Variants in ANKFN1 observed in about 807,000 individuals in gnomAD.
The protein encoded by ANKFN1 is ankyrin repeat and fibronectin type-III domain-containing protein 1.
A neutral mutation model predicts 108.7 loss-of-function variants in ANKFN1; 74 were observed. The ratio of observed to expected loss-of-function variants is 0.68; its 90% CI spans 0.56 to 0.83. ANKFN1 has a LOEUF of 0.83. Ranked by LOEUF, ANKFN1 falls within the 40% of genes least tolerant of loss-of-function variation. ANKFN1 has a pLI of 0.00. For missense variants in ANKFN1, 1,505 were observed against 1,382.3 expected, an observed-to-expected ratio of 1.09 and a Z score of -1.41; for synonymous variants, 547 against 516.2, an observed-to-expected ratio of 1.06 and a Z score of -0.81.
At chr17:56,472,029 A>C (rs546941162) in intron 15 of ANKFN1, 1 of 152,328 alleles carries the variant, frequency 6.6e-6, no homozygotes, top group East Asian at 1.9e-4. Context: ...AACAGGGTGA[A>C]TTTTATGGTA....
chr17:56,070,766 C>G (rs536071606), intron 4 of ANKFN1, among the ~76,000 whole-genome samples: 3 of 148,518 alleles, frequency 2.0e-5, no homozygotes, highest in African/African-American at 7.6e-5. Flanking sequence ...GAGACGTACT[C>G]TCACTCTCAC....
chr17:56,285,305 G>A (rs959664777), intron 3 of ANKFN1, among the ~76,000 whole-genome samples: 1 of 152,098 alleles, frequency 6.6e-6, no homozygotes, highest in African/African-American at 2.4e-5. Context: ...CTGGGCTGGA[G>A]GTGGCATCCC....
intron 6 of ANKFN1, among the ~76,000 whole-genome samples, chr17:56,359,922 TG>T (rs2046472035): frequency 6.6e-6 from 1 of 152,180 alleles, no homozygotes; most frequent in Admixed American, 6.6e-5. Flanking sequence ...AGTCAGTTTA[TG>T]AGAAAATCTG....
At chr17:56,048,528 C>A (rs1213213334) in intron 4 of ANKFN1, among the ~76,000 whole-genome samples, 1 of 152,072 alleles carries the variant, frequency 6.6e-6, no homozygotes, top group Non-Finnish European at 1.5e-5. Flanking sequence ...TACTGGCCCC[C>A]TTTTTTAAAA....
chr17:56,093,015 T>G (rs1481125288), intron 4 of ANKFN1, among the ~76,000 whole-genome samples: 1 of 151,186 alleles, frequency 6.6e-6, no homozygotes, highest in Admixed American at 6.6e-5. Flanking sequence ...CTAGCATGCC[T>G]TTTGATTAAT....
At chr17:56,196,623 C>T (rs1567830845) in intron 1 of ANKFN1, among the ~76,000 whole-genome samples, 1 of 152,088 alleles carries the variant, frequency 6.6e-6, no homozygotes, top group Admixed American at 6.6e-5. Flanking sequence ...ACCCTGTAGT[C>T]CTGGCTACTC....
At chr17:56,339,588 A>G (rs1169842921) in intron 4 of ANKFN1, among the ~76,000 whole-genome samples, 2 of 152,082 alleles carry the variant, frequency 1.3e-5, no homozygotes, top group Non-Finnish European at 2.9e-5. Flanking sequence ...TTAGTTTGCT[A>G]AGGATAATGG....
At chr17:56,081,812 T>G (rs1466852032) in intron 4 of ANKFN1, among the ~76,000 whole-genome samples, 3 of 152,200 alleles carry the variant, frequency 2.0e-5, no homozygotes, top group African/African-American at 7.2e-5. Flanking sequence ...ACACTGGAGT[T>G]GTACACATAC....
chr17:56,391,274 T>C (rs1279977633), intron 8 of ANKFN1, among the ~76,000 whole-genome samples: 1 of 143,130 alleles, frequency 7.0e-6, no homozygotes, highest in Non-Finnish European at 1.5e-5. Flanking sequence ...TGTGTACATA[T>C]ATATATGTAT....
At chr17:56,457,811 T>A in intron 13 of ANKFN1, 52 bp from the exon 14 acceptor site, 3 of 1,399,996 alleles carry the variant, frequency 2.1e-6, no homozygotes, top group Non-Finnish European at 3.0e-6. Flanking sequence ...TGCCACAACC[T>A]AAATCATGTA....
intron 8 of ANKFN1, among the ~76,000 whole-genome samples, chr17:56,428,059 C>G (rs879736913): frequency 1.3e-5 from 2 of 151,806 alleles, no homozygotes; most frequent in African/African-American, 2.4e-5. Context: ...ATGATGAAAC[C>G]CCATCTCTAC....
intron 2 of ANKFN1, among the ~76,000 whole-genome samples, chr17:56,213,843 C>G (rs528864537): frequency 3.9e-5 from 6 of 152,320 alleles, no homozygotes; most frequent in African/African-American, 1.4e-4. Context: ...CTTCAGTTCA[C>G]TTAAACATTT....
chr17:56,439,713 G>A (rs576206897), intron 8 of ANKFN1, among the ~76,000 whole-genome samples: 1 of 152,290 alleles, frequency 6.6e-6, no homozygotes, highest in Admixed American at 6.5e-5. Context: ...ATGATGTGGA[G>A]ATAATGAAAG....
chr17:56,281,693 C>T (rs560166808), intron 3 of ANKFN1, among the ~76,000 whole-genome samples: 1 of 152,206 alleles, frequency 6.6e-6, no homozygotes, highest in Non-Finnish European at 1.5e-5. Flanking sequence ...AAAACTTGAA[C>T]AAACACTTCA....
chr17:56,489,047 C>G (rs1327118116), intron 18 of ANKFN1, among the ~76,000 whole-genome samples: 2 of 152,208 alleles, frequency 1.3e-5, no homozygotes, highest in African/African-American at 2.4e-5. Context: ...CCAGAGGTCA[C>G]GTGCCCACTG....
intron 3 of ANKFN1, among the ~76,000 whole-genome samples, chr17:56,316,999 G>C (rs539601137): frequency 1.3e-5 from 2 of 152,164 alleles, no homozygotes; most frequent in Non-Finnish European, 2.9e-5. Context: ...GTTTAAAGCA[G>C]ATTTCAGCAC....
intron 18 of ANKFN1, 70 bp downstream of exon 18, chr17:56,482,594 G>C (rs1315772499): frequency 3.3e-6 from 5 of 1,533,118 alleles, no homozygotes; most frequent in Non-Finnish European, 4.4e-6. Context: ...AGTTATATCT[G>C]TTCCCCCTTG....
chr17:56,505,627 T>C (rs2051529577), intron 20 of ANKFN1, among the ~76,000 whole-genome samples: 1 of 152,106 alleles, frequency 6.6e-6, no homozygotes, highest in African/African-American at 2.4e-5. Context: ...GGAAGACAAA[T>C]AGGAAAATGG....
chr17:56,153,943 G>C (rs950035100), intron 1 of ANKFN1, among the ~76,000 whole-genome samples: 18 of 152,104 alleles, frequency 1.2e-4, no homozygotes, highest in Non-Finnish European at 4.4e-5. Context: ...TCTCCCACAT[G>C]GATTCTCTCC....
Sources: allele counts gnomAD v4.1 joint callset (sites outside exome capture counted in the v4.1 genomes callset), GRCh38; gene constraint gnomAD v4.1.1; transcripts MANE v1.5; gene names NCBI Gene and HGNC (gene_info 2026-07-23, HGNC 2026-07-21).